KCMF1: variants seen among roughly 807,000 people sequenced by gnomAD.
KCMF1 encodes E3 ubiquitin-protein ligase KCMF1.
A neutral mutation model predicts 41.1 loss-of-function variants in KCMF1; 3 were observed. The observed-to-expected ratio is 0.07, with a 90% CI of 0.03 to 0.19. The LOEUF (loss-of-function observed/expected upper bound fraction) is 0.19, where lower values mean the gene tolerates loss of function less well. Among genes scored for constraint, KCMF1 ranks in the 10% least tolerant of loss-of-function variants. The pLI is 1.00. For missense variants in KCMF1, 286 were observed against 488.9 expected, an observed-to-expected ratio of 0.58 and a Z score of 3.91; for synonymous variants, 142 against 164.5, an observed-to-expected ratio of 0.86 and a Z score of 1.04.
chr2:84,971,518 C>T (rs1049120718), intron 1 of KCMF1, 51 bp downstream of exon 1: 27 of 1,088,230 alleles, frequency 2.5e-5, no homozygotes, highest in Non-Finnish European at 3.1e-5. Context: ...CGGCCTACCC[C>T]GCCCGGGCCG....
chr2:85,047,110 G>A lies in KCMF1; in HGVS notation c.601+832G>A, dbSNP rs115092327. Among the ~76,000 whole-genome samples, 1,110 of 152,202 alleles carry A rather than the reference G, an allele frequency of 7.3e-3. 8 individuals are homozygous for A. The highest frequency in any genetic ancestry group is 9.1e-3 in the Non-Finnish European group (618 of 68,008). On this transcript the variant is annotated intron_variant, in intron 5 of 6. Coordinates refer to ENST00000409785, the MANE Select transcript of KCMF1 (RefSeq NM_020122.5). ...AGCCATTCACTGGGGGTTTTGGAAC[G>A]TATCTCCTGCAGGTAAAGGGAGACT...
intron 2 of KCMF1, among the ~76,000 whole-genome samples, chr2:85,034,060 A>G (rs951097436): frequency 6.6e-6 from 1 of 151,508 alleles, no homozygotes; most frequent in Non-Finnish European, 1.5e-5. Flanking sequence ...GCCGGATGTG[A>G]TGGCACACAC....
chr2:85,056,966 C>A lies in KCMF1; in HGVS notation c.*3557C>A, dbSNP rs1318301380. 1.3e-5 allele frequency: 2 copies of A among 151,970 alleles called. No homozygotes were observed. Among genetic ancestry groups the A allele is most frequent in the African/African-American group, 4.8e-5 (2 of 41,372 alleles). The allele number at this position is 151,970 out of a possible 1,614,324, so 9.4% of individuals were successfully genotyped here. On this transcript the variant is annotated 3_prime_UTR_variant, in exon 7 of 7. Coordinates refer to ENST00000409785, the MANE Select transcript of KCMF1 (RefSeq NM_020122.5). ...GGCCGAGGCGGGTGGATCACGAGGT[C>A]GAGTTTGAGACCATTTTGGCCAGCA...
At chr2:85,020,241 A>G (rs1558577877) in intron 1 of KCMF1, among the ~76,000 whole-genome samples, 1 of 152,184 alleles carries the variant, frequency 6.6e-6, no homozygotes, top group South Asian at 2.1e-4. Flanking sequence ...ATGTCAGGCT[A>G]CACACCAAAA....
intron 3 of KCMF1, among the ~76,000 whole-genome samples, chr2:85,036,424 A>G (rs1227516125): frequency 6.6e-6 from 1 of 152,124 alleles, no homozygotes; most frequent in Non-Finnish European, 1.5e-5. Context: ...CTTTGATTTA[A>G]TTTCTGTTAA....
At chr2:85,051,483 T>C (rs537067793) in intron 6 of KCMF1, among the ~76,000 whole-genome samples, 3 of 152,168 alleles carry the variant, frequency 2.0e-5, no homozygotes, top group African/African-American at 7.2e-5. Flanking sequence ...TTTTTTTCTG[T>C]GCATTTATTC....
chr2:85,003,181 T>G (rs1674374288), intron 1 of KCMF1, among the ~76,000 whole-genome samples: 1 of 152,162 alleles, frequency 6.6e-6, no homozygotes, highest in Non-Finnish European at 1.5e-5. Context: ...CCTTTTAAAA[T>G]TCATCTTGTT....
chr2:85,042,149 T>C (rs1389450799), intron 3 of KCMF1, among the ~76,000 whole-genome samples: 1 of 152,248 alleles, frequency 6.6e-6, no homozygotes, highest in African/African-American at 2.4e-5. Flanking sequence ...TTCTGCACAC[T>C]GTCATGCTTA....
intron 1 of KCMF1, among the ~76,000 whole-genome samples, chr2:85,024,174 C>T (rs1675024863): frequency 6.6e-6 from 1 of 152,140 alleles, no homozygotes; most frequent in Non-Finnish European, 1.5e-5. Context: ...TCAATGTAGG[C>T]TGTGAAAAGA....
intron 3 of KCMF1, among the ~76,000 whole-genome samples, chr2:85,043,021 T>G (rs900435577): frequency 1.3e-5 from 2 of 152,226 alleles, no homozygotes; most frequent in Non-Finnish European, 2.9e-5. Context: ...CCATACCATA[T>G]TCCCCTTGGA....
In KCMF1 at chr2:85,049,654, T is replaced by C; in HGVS notation, c.884+6T>C. ...TCCCAGTTTCTTTTAACAAGGTAGCTCATTTGTTAATAGAATTTTGTTTGG... is the reference window on the plus strand; with the variant it reads ...TCCCAGTTTCTTTTAACAAGGTAGCCCATTTGTTAATAGAATTTTGTTTGG... On this transcript the variant is annotated splice_donor_region_variant and intron_variant, in intron 6 of 6. Transcript: ENST00000409785. 1 of 1,602,888 alleles carries C rather than the reference T, an allele frequency of 6.2e-7. No homozygotes were observed. The highest frequency in any genetic ancestry group is 1.1e-5 in the South Asian group (1 of 90,492).
chr2:85,052,625 G>A (rs1211544376), intron 6 of KCMF1, among the ~76,000 whole-genome samples: 3 of 152,170 alleles, frequency 2.0e-5, no homozygotes, highest in Admixed American at 6.5e-5. Flanking sequence ...AAATGTAGGA[G>A]TTTGTATGTA....
intron 1 of KCMF1, among the ~76,000 whole-genome samples, chr2:85,003,036 GTTTA>G (rs1482434578): frequency 6.6e-6 from 1 of 152,136 alleles, no homozygotes; most frequent in Admixed American, 6.6e-5. Flanking sequence ...AAGCTTGCTT[GTTTA>G]TTTGCTGGCA....
intron 3 of KCMF1, among the ~76,000 whole-genome samples, chr2:85,041,900 G>A (rs1675547277): frequency 6.6e-6 from 1 of 151,522 alleles, no homozygotes; most frequent in African/African-American, 2.4e-5. Context: ...AGTAAAATAT[G>A]TATATCAGAC....
At chr2:84,995,375 A>T (rs1173105950) in intron 1 of KCMF1, among the ~76,000 whole-genome samples, 1 of 152,176 alleles carries the variant, frequency 6.6e-6, no homozygotes, top group Non-Finnish European at 1.5e-5. Flanking sequence ...GTTTCAGGGT[A>T]TCAGTTCTAG....
At chr2:84,980,240 G>A (rs1673695799) in intron 1 of KCMF1, among the ~76,000 whole-genome samples, 2 of 152,176 alleles carry the variant, frequency 1.3e-5, no homozygotes, top group Admixed American at 1.3e-4. Flanking sequence ...AGGAAGTGAG[G>A]AGCCAGGAAA....
chr2:85,010,877 C>T (rs978810369), intron 1 of KCMF1, among the ~76,000 whole-genome samples: 3 of 148,202 alleles, frequency 2.0e-5, no homozygotes, highest in African/African-American at 7.5e-5. Flanking sequence ...CGGAGTCTCA[C>T]TGTGTCATCA....
chr2:85,021,211 T>G (rs567420174), intron 1 of KCMF1, among the ~76,000 whole-genome samples: 1 of 152,348 alleles, frequency 6.6e-6, no homozygotes, highest in African/African-American at 2.4e-5. Context: ...TTGTCTTAAG[T>G]TGATCGGGGA....
chr2:85,007,657 C>T (rs750414911), intron 1 of KCMF1, among the ~76,000 whole-genome samples: 8 of 152,156 alleles, frequency 5.3e-5, no homozygotes, highest in Admixed American at 1.3e-4. Flanking sequence ...AGATAAGATA[C>T]GGGGACTGGG....
Sources: gnomAD v4.1 joint callset for allele counts (sites outside exome capture counted in the v4.1 genomes callset) on GRCh38, gnomAD v4.1.1 for gene constraint, MANE v1.5 for transcripts, NCBI Gene and HGNC (gene_info 2026-07-23, HGNC 2026-07-21) for gene names.